The following CCDC197 variants were observed in gnomAD, a reference collection of about 807,000 sequenced individuals.
CCDC197 encodes the protein uncharacterized protein CCDC197.
CCDC197 carries 24 observed loss-of-function variants against 13.4 expected under a neutral mutation model. The ratio of observed to expected loss-of-function variants is 1.80; its 90% CI spans 1.30 to 2.53. The LOEUF (loss-of-function observed/expected upper bound fraction) is 2.53, where lower values mean the gene tolerates loss of function less well. Among genes scored for constraint, CCDC197 ranks in the 30% most tolerant of loss-of-function variants. CCDC197 has a pLI of 0.00. For synonymous variants in CCDC197, 99 were observed against 55.5 expected (o/e 1.78, Z -3.48); for missense variants, 255 against 148.8 (o/e 1.71, Z -3.71).
At chr14:94,006,387 C>G (rs145496844) in intron 6 of CCDC197, among the ~76,000 whole-genome samples, 2,836 of 150,778 alleles carry the variant, frequency 0.019, 44 homozygotes, top group Admixed American at 0.038. Flanking sequence ...GAGTCTCACT[C>G]TCTTGCCCAG....
intron 6 of CCDC197, among the ~76,000 whole-genome samples, chr14:94,006,451 G>A (rs1285146859): frequency 2.0e-5 from 3 of 151,882 alleles, no homozygotes; most frequent in Non-Finnish European, 4.4e-5. Context: ...TGCCTCCCGG[G>A]TTCAAGCAAT....
chr14:93,995,207 A>T, upstream of CCDC197, among the ~76,000 whole-genome samples: 1 of 152,274 alleles, frequency 6.6e-6, no homozygotes, highest in African/African-American at 2.4e-5. Context: ...GGCAGAGATG[A>T]TGATGAAGCT....
chr14:93,999,575 C>A lies in CCDC197; in HGVS notation c.105-8C>A. The A allele has an allele frequency of 1.3e-6, 1 of 780,838 alleles. No homozygotes were observed. Among genetic ancestry groups the A allele is most frequent in the Non-Finnish European group, 2.4e-6 (1 of 418,108 alleles). The allele number at this position is 780,838 out of a possible 1,614,324, so 48.4% of individuals were successfully genotyped here. On this transcript the variant is annotated splice_polypyrimidine_tract_variant and splice_region_variant and intron_variant, in intron 2 of 6. Coordinates refer to ENST00000636493, the MANE Select transcript of CCDC197 (RefSeq NM_001351596.2). Reference sequence around the variant, plus strand: ...CTCCAGGCCATGTTCCTGCATCTGGCTCTACAGGCAGAAGAAGCTCAAGAG... The same window carrying A: ...CTCCAGGCCATGTTCCTGCATCTGGATCTACAGGCAGAAGAAGCTCAAGAG...
intron 2 of CCDC197, among the ~76,000 whole-genome samples, chr14:93,998,660 T>G (rs1890397197): frequency 6.6e-6 from 1 of 152,146 alleles, no homozygotes; most frequent in African/African-American, 2.4e-5. Flanking sequence ...AAAGCCTGAA[T>G]TCGATGCAAA....
Position 94,001,198 on chromosome 14 carries a change from C to T in CCDC197, c.241C>T (p.His81Tyr). ...GGTGCTGGTGGAGGCCACGGTGAAG[C>T]ACTACGGGAAGCTCTTCACAGCCAG... Reference protein sequence around the residue: ...EEVLVEATVKHYGKLFTASQD... With the variant: ...EEVLVEATVKYYGKLFTASQD... The change falls in exon 4 of 7, where the codon CAC (histidine) becomes TAC (tyrosine). Residue 81 changes from histidine (H) to tyrosine (Y), a missense_variant. Coordinates refer to ENST00000636493, the MANE Select transcript of CCDC197 (RefSeq NM_001351596.2). 1 of 780,834 alleles carries T rather than the reference C, an allele frequency of 1.3e-6. No homozygotes were observed. The highest frequency in any genetic ancestry group is 1.3e-5 in the South Asian group (1 of 74,590). The allele number at this position is 780,834 out of a possible 1,614,324, so 48.4% of individuals were successfully genotyped here.
intron 6 of CCDC197, among the ~76,000 whole-genome samples, chr14:94,006,101 C>T (rs1890671630): frequency 6.6e-6 from 1 of 152,172 alleles, no homozygotes; most frequent in South Asian, 2.1e-4. Flanking sequence ...GTGGCTGCAC[C>T]ATTTACCATC....
chr14:94,005,734 A>ACATTTAGCGTCTGGCTGCTTT (rs978452041), intron 6 of CCDC197, among the ~76,000 whole-genome samples: 4 of 152,176 alleles, frequency 2.6e-5, no homozygotes, highest in Non-Finnish European at 2.9e-5. Context: ...CCAAAAAGAT[A>ACATTTAGCGTCTGGCTGCTTT]CATTTAGCGT....
chr14:94,007,530 G>A (rs917880081), intron 6 of CCDC197: 1 of 152,164 alleles, frequency 6.6e-6, no homozygotes, highest in African/African-American at 2.4e-5. Context: ...CTGTGGCTTT[G>A]TAATAAATAT....
At chr14:94,010,541 C>T (rs1012209643), downstream of CCDC197, among the ~76,000 whole-genome samples, 5 of 152,182 alleles carry the variant, frequency 3.3e-5, no homozygotes, top group South Asian at 4.1e-4. Flanking sequence ...AGGAGGGAGC[C>T]GCTGTTCCGA....
intron 1 of CCDC197, among the ~76,000 whole-genome samples, chr14:93,989,524 CT>C (rs1165008161): frequency 6.6e-6 from 1 of 152,154 alleles, no homozygotes; most frequent in Non-Finnish European, 1.5e-5. Context: ...CCTCCACACC[CT>C]TCCTAGGAAG....
At position 93,998,045 on chromosome 14, in the gene CCDC197, G is replaced by A. The variant is rs1215962799; in HGVS notation, c.-87G>A. 3.0e-5 allele frequency: 22 copies of A among 744,354 alleles called. No individual in the cohort carries two copies. The highest frequency in any genetic ancestry group is 2.3e-4 in the Middle Eastern group (1 of 4,378). 46.1% of individuals were successfully genotyped at this position (744,354 alleles called of 1,614,324 possible). On this transcript the variant is annotated 5_prime_UTR_variant, in exon 2 of 7. Transcript: ENST00000636493. ...TCCAAGGATCTGAAGAGGAAGCTGC[G>A]GCTGTGACTGTCCCTTTTCGGTCTG...
chr14:94,004,311 C>T (rs1890620831), intron 5 of CCDC197, among the ~76,000 whole-genome samples: 1 of 152,180 alleles, frequency 6.6e-6, no homozygotes, highest in Admixed American at 6.5e-5. Context: ...GGCACACCTT[C>T]CCTGCACAGG....
At position 94,008,746 on chromosome 14, in the gene CCDC197, G is replaced by T. The variant is rs1402198018; in HGVS notation, c.753G>T (p.Arg251Ser). 2.8e-6 allele frequency: 2 copies of T among 702,810 alleles called. No homozygotes were observed. Among genetic ancestry groups the T allele is most frequent in the Admixed American group, 2.0e-5 (1 of 50,020 alleles). 43.5% of individuals were successfully genotyped at this position (702,810 alleles called of 1,614,324 possible). Residue 251 changes from arginine to serine, a missense_variant, in exon 7 of 7, where the codon AGG becomes AGT. Transcript: ENST00000636493. ...AACCCTTCAGGAAATGTCCAAGGAGGCGGGTTTCCACCCCCAGGACCCCCT... is the reference window on the plus strand; with the variant it reads ...AACCCTTCAGGAAATGTCCAAGGAGTCGGGTTTCCACCCCCAGGACCCCCT... ...HPKPFRKCPR[R>S]RVSTPRTPFP...
At chr14:94,008,081 A>C (rs1005270824) in intron 6 of CCDC197, among the ~76,000 whole-genome samples, 2 of 151,484 alleles carry the variant, frequency 1.3e-5, no homozygotes, top group Non-Finnish European at 2.9e-5. Context: ...ACAGTGTATT[A>C]ATTTCATCTT....
At chr14:94,006,367 T>C (rs1184232894) in intron 6 of CCDC197, among the ~76,000 whole-genome samples, 1 of 152,252 alleles carries the variant, frequency 6.6e-6, no homozygotes, top group Non-Finnish European at 1.5e-5. Flanking sequence ...TTTTTTTTTT[T>C]TTTGAGACAG....
At chr14:93,990,606 T>C (rs910864107) in intron 1 of CCDC197, among the ~76,000 whole-genome samples, 3 of 152,146 alleles carry the variant, frequency 2.0e-5, no homozygotes, top group Non-Finnish European at 4.4e-5. Flanking sequence ...GGTAGTCCCA[T>C]GGGAGATTTT....
chr14:93,998,628 A>G (rs1376166460), intron 2 of CCDC197, among the ~76,000 whole-genome samples: 1 of 152,202 alleles, frequency 6.6e-6, no homozygotes, highest in Non-Finnish European at 1.5e-5. Context: ...TTGGGGAGAT[A>G]AGACATTTCA....
chr14:93,997,863 C>T (rs993328281), intron 1 of CCDC197, 136 bp from the exon 2 acceptor site: 5 of 460,636 alleles, frequency 1.1e-5, no homozygotes, highest in Non-Finnish European at 1.2e-5. Flanking sequence ...GCACCCTCAA[C>T]CTCTCCAGAG....
At chr14:94,005,550 A>C (rs1890657847) in intron 6 of CCDC197, among the ~76,000 whole-genome samples, 1 of 152,198 alleles carries the variant, frequency 6.6e-6, no homozygotes, top group African/African-American at 2.4e-5. Flanking sequence ...AGAAAACGTG[A>C]TCAGATTGGC....
Sources: allele counts gnomAD v4.1 joint callset (sites outside exome capture counted in the v4.1 genomes callset), GRCh38; gene constraint gnomAD v4.1.1; transcripts MANE v1.5; gene names NCBI Gene and HGNC (gene_info 2026-07-23, HGNC 2026-07-21).